The following MYT1L variants were observed in gnomAD, a reference collection of about 807,000 sequenced individuals.
The protein encoded by MYT1L is myelin transcription factor 1-like protein.
A neutral mutation model predicts 126.7 loss-of-function variants in MYT1L; 12 were observed. The observed-to-expected ratio is 0.09, with a 90% confidence interval of 0.06 to 0.15. The LOEUF is 0.15. Ranked by LOEUF, MYT1L falls within the 10% of genes least tolerant of loss-of-function variation. The pLI is 1.00. For missense variants in MYT1L, 979 were observed against 1,585.2 expected (o/e 0.62, Z 6.49); for synonymous variants, 541 against 604.2 (o/e 0.90, Z 1.53).
rs146351146 is a variant in MYT1L, at chr2:1,901,393, C to T, written c.2032+1687G>A. ...TAGGAGAACTTAATTTCTTTTGATC[C>T]TTCACTTGTAGATGAACAAATGAGA... is the stretch of plus-strand genomic sequence containing the variant. On this transcript the variant is annotated intron_variant, in intron 14 of 24. Coordinates refer to ENST00000647738, the MANE Select transcript of MYT1L (RefSeq NM_001303052.2). Among the ~76,000 whole-genome samples, 430 of 152,284 alleles carry T rather than the reference C, an allele frequency of 2.8e-3. 4 individuals carry two copies. The highest frequency in any genetic ancestry group is 0.01 in the African/African-American group (419 of 41,566).
chr2:2,104,581 G>A (rs1413203999), intron 3 of MYT1L, among the ~76,000 whole-genome samples: 1 of 152,248 alleles, frequency 6.6e-6, no homozygotes, highest in Non-Finnish European at 1.5e-5. Context: ...CTCGCCAGGG[G>A]CCAGAGAGGC....
In MYT1L at chr2:1,991,360, G is replaced by A. The variant is rs768531837; in HGVS notation, c.-1+5831C>T. Among the ~76,000 whole-genome samples, 75 of 151,952 alleles carry A rather than the reference G, an allele frequency of 4.9e-4. 1 individual carries two copies. The highest frequency in any genetic ancestry group is 3.1e-3 in the Admixed American group (48 of 15,240). On this transcript the variant is annotated intron_variant, in intron 5 of 24. Transcript: ENST00000647738. ...ACTCTGGCTGGAGTTTCAGTGACACGATCATGGCTCGCCGCAGCCTTGGAC... is the reference window on the plus strand; with the variant it reads ...ACTCTGGCTGGAGTTTCAGTGACACAATCATGGCTCGCCGCAGCCTTGGAC...
rs867343173 is a variant in MYT1L at position 2,241,269 on chromosome 2, C to G, written c.-421+43135G>C. On this transcript the variant is annotated intron_variant, in intron 2 of 24. Coordinates refer to ENST00000647738, the MANE Select transcript of MYT1L (RefSeq NM_001303052.2). Reference sequence around the variant, plus strand: ...ATGTATATTGGTTTCTTGTAAAATACATCTTTTGTGTGTGTGTGTGTGTGT... The same window carrying G: ...ATGTATATTGGTTTCTTGTAAAATAGATCTTTTGTGTGTGTGTGTGTGTGT... Among the ~76,000 whole-genome samples the G allele has an allele frequency of 1.1e-3, 126 of 119,142 alleles. 1 individual carries two copies. Among genetic ancestry groups the G allele is most frequent in the African/African-American group, 3.7e-3 (114 of 30,444 alleles). The allele number at this position is 119,142 out of a possible 152,430, so 78.2% of individuals were successfully genotyped here.
At chr2:2,244,851 C>T (rs1254468344) in intron 2 of MYT1L, among the ~76,000 whole-genome samples, 5 of 152,250 alleles carry the variant, frequency 3.3e-5, no homozygotes, top group Non-Finnish European at 7.3e-5. Flanking sequence ...ATTCTTCTAG[C>T]TCTCTAGCCA....
chr2:2,285,107 C>T (rs1359279237), intron 1 of MYT1L, among the ~76,000 whole-genome samples: 1 of 152,222 alleles, frequency 6.6e-6, no homozygotes, highest in African/African-American at 2.4e-5. Flanking sequence ...GTCCCTAGGT[C>T]TCCGTCCTCC....
At chr2:2,256,209 G>A (rs555221731) in intron 2 of MYT1L, among the ~76,000 whole-genome samples, 51 of 152,318 alleles carry the variant, frequency 3.3e-4, no homozygotes, top group East Asian at 5.8e-4. Flanking sequence ...TCAAAGAGGC[G>A]TGAGGCCAAA....
intron 18 of MYT1L, among the ~76,000 whole-genome samples, chr2:1,868,171 C>G (rs556515011): frequency 6.6e-6 from 1 of 152,224 alleles, no homozygotes; most frequent in East Asian, 1.9e-4. Flanking sequence ...CCAGGTTGGC[C>G]AGGCTGGTTT....
chr2:1,892,386 AG>A, intron 14 of MYT1L, 99 bp from the exon 15 acceptor site: 1 of 1,460,398 alleles, frequency 6.8e-7, no homozygotes, highest in Non-Finnish European at 9.1e-7. Context: ...AGCCACACAC[AG>A]CCGCGTGGGA....
intron 2 of MYT1L, among the ~76,000 whole-genome samples, chr2:2,275,428 A>T (rs952139320): frequency 6.6e-6 from 1 of 152,062 alleles, no homozygotes; most frequent in African/African-American, 2.4e-5. Flanking sequence ...TGGTCATGGG[A>T]TGTCAGAAAT....
intron 12 of MYT1L, among the ~76,000 whole-genome samples, chr2:1,911,108 C>A (rs1034992109): frequency 6.6e-6 from 1 of 152,166 alleles, no homozygotes; most frequent in Non-Finnish European, 1.5e-5. Flanking sequence ...CCTGACGCTG[C>A]GGATGCTGCA....
chr2:1,885,629 T>C (rs2048078545), intron 18 of MYT1L: 1 of 152,518 alleles, frequency 6.6e-6, no homozygotes, highest in Admixed American at 6.5e-5. Flanking sequence ...AAAGCAGCAT[T>C]ATCTTTGCCT....
At chr2:2,114,385 T>C (rs912366162) in intron 3 of MYT1L, among the ~76,000 whole-genome samples, 1 of 152,234 alleles carries the variant, frequency 6.6e-6, no homozygotes, top group Admixed American at 6.5e-5. Flanking sequence ...TGTTGACAAA[T>C]GAAAGACCTT....
At chr2:1,905,441 C>T (rs2050926826) in intron 13 of MYT1L, among the ~76,000 whole-genome samples, 2 of 151,868 alleles carry the variant, frequency 1.3e-5, no homozygotes, top group African/African-American at 4.8e-5. Flanking sequence ...GCAACCTCCA[C>T]CTCCAGGGTT....
At chr2:2,055,544 T>C (rs1286060451) in intron 3 of MYT1L, among the ~76,000 whole-genome samples, 1 of 152,220 alleles carries the variant, frequency 6.6e-6, no homozygotes, top group African/African-American at 2.4e-5. Flanking sequence ...ACTTACTAAA[T>C]TGACTAAGAA....
At chr2:2,004,006 C>CATT (rs2062738179) in intron 4 of MYT1L, among the ~76,000 whole-genome samples, 3 of 136,182 alleles carry the variant, frequency 2.2e-5, no homozygotes, top group Admixed American at 7.0e-5. Context: ...TTCCTGCATG[C>CATT]CTTCTTTCCT....
chr2:2,015,380 G>A (rs1035289009), intron 4 of MYT1L, among the ~76,000 whole-genome samples: 6 of 152,098 alleles, frequency 3.9e-5, no homozygotes, highest in Admixed American at 2.0e-4. Context: ...TGTTGCCACC[G>A]TGCTCTAAAG....
chr2:1,847,987 C>T (rs2042725366), intron 19 of MYT1L, among the ~76,000 whole-genome samples: 1 of 152,182 alleles, frequency 6.6e-6, no homozygotes, highest in Non-Finnish European at 1.5e-5. Flanking sequence ...CATGGGGCTG[C>T]CAGGAGGTGG....
In MYT1L at chr2:1,791,033, CA is replaced by C. The variant is rs2147776881; in HGVS notation, c.*833del. 6.4e-6 allele frequency: 2 copies of C among 313,820 alleles called. No homozygotes were observed. Among genetic ancestry groups the C allele is most frequent in the Admixed American group, 9.6e-5 (2 of 20,748 alleles). The allele number at this position is 313,820 out of a possible 1,614,324, so 19.4% of individuals were successfully genotyped here. On this transcript the variant is annotated 3_prime_UTR_variant, in exon 25 of 25. Coordinates refer to ENST00000647738, the MANE Select transcript of MYT1L (RefSeq NM_001303052.2). The surrounding 1 kb of genome is among the most constrained non-coding windows in gnomAD (Gnocchi z 6.0). ...TGGAAAAGGAAATCTTCACGTTGTC[CA>C]CCTCTGATAAGATCCTGTCTTAACT...
chr2:1,845,119 C>T lies in MYT1L; in HGVS notation c.2775-4276G>A, dbSNP rs867664756. Among the ~76,000 whole-genome samples, 3 of 152,120 alleles carry T rather than the reference C, an allele frequency of 2.0e-5. No individual in the cohort carries two copies. The South Asian group carries it at 6.2e-4, about 32-fold the overall frequency. On this transcript the variant is annotated intron_variant, in intron 19 of 24. Coordinates refer to ENST00000647738, the MANE Select transcript of MYT1L (RefSeq NM_001303052.2). The stretch of plus-strand genomic sequence containing the variant: ...TCGGCCTCCTGAGTAGCTGGGATTA[C>T]AGACTTGCACTACTACACCTGGATA...
Sources: allele counts gnomAD v4.1 joint callset (sites outside exome capture counted in the v4.1 genomes callset), GRCh38; gene constraint gnomAD v4.1.1; non-coding constraint Gnocchi (gnomAD v3.1); transcripts MANE v1.5; gene names NCBI Gene and HGNC (gene_info 2026-07-23, HGNC 2026-07-21).